Variants in PTPRS observed in about 807,000 individuals in gnomAD.
The protein encoded by PTPRS is receptor-type tyrosine-protein phosphatase S.
PTPRS carries 63 observed loss-of-function variants against 215.3 expected under a neutral mutation model. The observed-to-expected ratio is 0.29, with a 90% CI of 0.24 to 0.36. The LOEUF (loss-of-function observed/expected upper bound fraction) is 0.36, where lower values mean the gene tolerates loss of function less well. Ranked by LOEUF, PTPRS falls within the 10% of genes least tolerant of loss-of-function variation. PTPRS has a pLI of 1.00. For missense variants in PTPRS, 2,258 were observed against 2,825.8 expected (o/e 0.80, Z 4.56); for synonymous variants, 1,404 against 1,191.4 (o/e 1.18, Z -3.68).
At chr19:5,230,477 G>A (rs1412032895) in intron 14 of PTPRS, among the ~76,000 whole-genome samples, 5 of 152,150 alleles carry the variant, frequency 3.3e-5, no homozygotes, top group Non-Finnish European at 7.3e-5. Context: ...CGTTTTTGTA[G>A]AGATGGGGTC....
intron 7 of PTPRS, among the ~76,000 whole-genome samples, chr19:5,258,589 GT>G (rs1176011863): frequency 6.6e-6 from 1 of 152,176 alleles, no homozygotes; most frequent in Non-Finnish European, 1.5e-5. Flanking sequence ...TGGTTGCTTT[GT>G]TTCATTAGGT....
chr19:5,297,234 G>T (rs1032658581), intron 1 of PTPRS, among the ~76,000 whole-genome samples: 39 of 152,152 alleles, frequency 2.6e-4, no homozygotes, highest in Non-Finnish European at 3.1e-4. Context: ...CCCACAGCTG[G>T]GACGTTGGGG....
At chr19:5,313,940 A>T (rs1388062104) in intron 1 of PTPRS, among the ~76,000 whole-genome samples, 1 of 146,604 alleles carries the variant, frequency 6.8e-6, no homozygotes, top group Non-Finnish European at 1.5e-5. Flanking sequence ...CTCTCTCCAC[A>T]AATAATAATA....
chr19:5,210,875 C>A lies in PTPRS; in HGVS notation c.5235-70G>T, dbSNP rs10423858. 262 of 1,559,414 alleles carry A rather than the reference C, an allele frequency of 1.7e-4. 3 individuals carry two copies. The South Asian group carries it at 3.0e-3, about 18-fold the overall frequency. The stretch of plus-strand genomic sequence containing the variant: ...GGCGTGGTACTCACCTGATGCTGCC[C>A]GGGAGGGTCAGGACCAAGCCAGTGA... On this transcript the variant is annotated intron_variant, in intron 33 of 37. Transcript: ENST00000262963. The surrounding 1 kb of genome is among the most constrained non-coding windows in gnomAD (Gnocchi z 4.5).
rs181385722 is a variant in PTPRS, at chr19:5,285,771, T to A, written c.91+279A>T. Among the ~76,000 whole-genome samples the A allele has an allele frequency of 5.9e-5, 9 of 152,334 alleles. No homozygotes were observed. In the East Asian group the frequency reaches 1.3e-3, roughly 23 times the overall value. On this transcript the variant is annotated intron_variant, in intron 2 of 37. Coordinates refer to ENST00000262963, the MANE Select transcript of PTPRS (RefSeq NM_002850.4). ...AAGCAGGTAAAATTAGTGCTTAGCA[T>A]GGAGCCTGGGGCTGAGTTGATGCTG... is the stretch of plus-strand genomic sequence containing the variant.
intron 2 of PTPRS, chr19:5,277,629 C>T (rs2146685104): frequency 2.6e-6 from 1 of 388,060 alleles, no homozygotes; most frequent in Non-Finnish European, 4.8e-6. Context: ...GCACTCCAGC[C>T]TGGGCGACAG....
rs147902646 is a variant in PTPRS at position 5,261,205 on chromosome 19, C to G, written c.578-383G>C. 1.1e-3 allele frequency among the ~76,000 whole-genome samples: 161 copies of G among 152,178 alleles called. 3 individuals are homozygous for G. The South Asian group carries it at 0.02, about 18-fold the overall frequency. ...TGAGGGAGGGAGGTTCATCACCCCC[C>G]CTTCCTTCTTTCCGTCTTAGGGAGC... On this transcript the variant is annotated intron_variant, in intron 6 of 37. Transcript: ENST00000262963.
At chr19:5,219,505 C>T (rs1469879589) in intron 22 of PTPRS, 38 bp from the exon 23 acceptor site, 2 of 1,531,056 alleles carry the variant, frequency 1.3e-6, no homozygotes, top group East Asian at 4.5e-5. Flanking sequence ...CAGTGTCCAC[C>T]CTCCTTGTAG....
chr19:5,249,960 T>C (rs906541259), intron 9 of PTPRS, among the ~76,000 whole-genome samples: 3 of 152,250 alleles, frequency 2.0e-5, no homozygotes, highest in African/African-American at 4.8e-5. Context: ...AAGGTACCTT[T>C]AACTTTTTTT....
At chr19:5,225,621 T>G in intron 17 of PTPRS, 106 bp downstream of exon 17, 1 of 990,302 alleles carries the variant, frequency 1.0e-6, no homozygotes, top group Non-Finnish European at 1.6e-6. Flanking sequence ...AGCTGCCTGG[T>G]GCACCCTCTG....
chr19:5,222,337 T>C (rs1214591595), intron 18 of PTPRS, 117 bp from the exon 19 acceptor site: 4 of 851,800 alleles, frequency 4.7e-6, no homozygotes, highest in Admixed American at 2.0e-5. Flanking sequence ...TGTCGTCCGC[T>C]GTGCCCATGC....
chr19:5,282,543 C>G (rs554349805), intron 2 of PTPRS, among the ~76,000 whole-genome samples: 1 of 152,306 alleles, frequency 6.6e-6, no homozygotes, highest in African/African-American at 2.4e-5. Flanking sequence ...AGGCTCACAC[C>G]TATAATCCCA....
At chr19:5,340,220 A>C in intron 1 of PTPRS, among the ~76,000 whole-genome samples, 2 of 144,390 alleles carry the variant, frequency 1.4e-5, no homozygotes, top group African/African-American at 2.6e-5. Context: ...TGCCTCCAGG[A>C]CCCGCCCGGG....
At chr19:5,238,017 G>C (rs1437821590) in intron 13 of PTPRS, among the ~76,000 whole-genome samples, 1 of 152,192 alleles carries the variant, frequency 6.6e-6, no homozygotes, top group African/African-American at 2.4e-5. Context: ...GATTCTGGAA[G>C]AAAGCCTGGG....
chr19:5,215,470 T>TG, intron 27 of PTPRS, 28 bp downstream of exon 27: 1 of 1,531,854 alleles, frequency 6.5e-7, no homozygotes. Flanking sequence ...GCCGAGGTGA[T>TG]GAGGGTGGGA....
At chr19:5,215,674 G>A (rs942652570) in intron 26 of PTPRS, 79 bp from the exon 27 acceptor site, 23 of 1,012,010 alleles carry the variant, frequency 2.3e-5, no homozygotes, top group South Asian at 2.0e-4. Flanking sequence ...GGTGATCTAC[G>A]TGTGAGTCTG....
chr19:5,220,494 A>G (rs558889522), intron 20 of PTPRS, 141 bp from the exon 21 acceptor site: 34 of 718,864 alleles, frequency 4.7e-5, no homozygotes, highest in South Asian at 4.6e-4. Flanking sequence ...TGCCCCATCC[A>G]CAAACGCCAC....
In PTPRS at chr19:5,213,108, G is replaced by A. The variant is rs2041078969; in HGVS notation, c.4615-617C>T. On this transcript the variant is annotated intron_variant, in intron 30 of 37. Coordinates refer to ENST00000262963, the MANE Select transcript of PTPRS (RefSeq NM_002850.4). ...ATCCAACACCTCACCCGGGACTGTC[G>A]GCTCTGCCTTCAAAGTCTATCCCAA... is the stretch of plus-strand genomic sequence containing the variant. Among the ~76,000 whole-genome samples the A allele has an allele frequency of 3.3e-5, 5 of 152,082 alleles. No homozygotes were observed. The South Asian group carries it at 8.3e-4, about 25-fold the overall frequency.
intron 1 of PTPRS, among the ~76,000 whole-genome samples, chr19:5,315,350 G>GTTTTTT (rs2049835558): frequency 9.9e-6 from 1 of 101,298 alleles, no homozygotes; most frequent in Non-Finnish European, 1.9e-5. Flanking sequence ...ATTTGAAAAG[G>GTTTTTT]GTTTTTTTTT....
Sources: gnomAD v4.1 joint callset for allele counts (sites outside exome capture counted in the v4.1 genomes callset) on GRCh38, gnomAD v4.1.1 for gene constraint, Gnocchi (gnomAD v3.1) non-coding constraint, MANE v1.5 for transcripts, NCBI Gene and HGNC (gene_info 2026-07-23, HGNC 2026-07-21) for gene names.